The following HCRTR2 variants were observed in gnomAD, a reference collection of about 807,000 sequenced individuals.
The protein encoded by HCRTR2 is orexin receptor type 2.
A neutral mutation model predicts 49.0 loss-of-function variants in HCRTR2; 22 were observed. The observed-to-expected ratio is 0.45, with a 90% CI of 0.32 to 0.64. The LOEUF (loss-of-function observed/expected upper bound fraction) is 0.64. HCRTR2 is among the 30% of genes least tolerant of loss of function. The probability of loss-of-function intolerance (pLI) is 0.04; values close to 1 mark genes in which losing one functional copy is unlikely to be tolerated. For synonymous variants in HCRTR2, 236 were observed against 205.3 expected, an observed-to-expected ratio of 1.15 and a Z score of -1.28; for missense variants, 491 against 559.4, an observed-to-expected ratio of 0.88 and a Z score of 1.23.
chr6:55,117,768 C>T (rs1764137984), intron 1 of HCRTR2, among the ~76,000 whole-genome samples: 1 of 99,542 alleles, frequency 1.0e-5, no homozygotes, highest in Non-Finnish European at 1.9e-5. Flanking sequence ...TGCACCTGCC[C>T]TTGGGATAAA....
chr6:55,230,094 C>A (rs540199871), intron 1 of HCRTR2, among the ~76,000 whole-genome samples: 24 of 152,060 alleles, frequency 1.6e-4, no homozygotes, highest in African/African-American at 5.3e-4. Context: ...TACTCTCATG[C>A]CTTAATTATA....
intron 6 of HCRTR2, 106 bp from the exon 7 acceptor site, chr6:55,282,119 C>T: frequency 1.3e-6 from 1 of 782,572 alleles, no homozygotes; most frequent in Admixed American, 2.0e-5. Flanking sequence ...AATATTACAC[C>T]TCATTGTTAG....
intron 1 of HCRTR2, among the ~76,000 whole-genome samples, chr6:55,130,204 A>G (rs557385576): frequency 6.6e-6 from 1 of 152,000 alleles, no homozygotes; most frequent in South Asian, 2.1e-4. Context: ...ATGGACCTCT[A>G]TATCTAGCTT....
intron 1 of HCRTR2, among the ~76,000 whole-genome samples, chr6:55,119,622 G>GT (rs149004546): frequency 0.26 from 36,649 of 140,020 alleles, 4,826 homozygotes; most frequent in African/African-American, 0.33. Context: ...CATTTTTGAT[G>GT]TTTTTTTTTT....
intron 1 of HCRTR2, among the ~76,000 whole-genome samples, chr6:55,217,532 C>T (rs1045459671): frequency 6.6e-6 from 1 of 152,154 alleles, no homozygotes; most frequent in African/African-American, 2.4e-5. Flanking sequence ...GCCTTCTACA[C>T]AGCCCTAGAG....
chr6:55,172,993 CA>C (rs1764972998), upstream of HCRTR2, among the ~76,000 whole-genome samples: 1 of 152,088 alleles, frequency 6.6e-6, no homozygotes, highest in Non-Finnish European at 1.5e-5. Context: ...ACATATTTTG[CA>C]AGATATTGAC....
At chr6:55,192,400 C>T (rs1765331209) in intron 1 of HCRTR2, among the ~76,000 whole-genome samples, 1 of 74,094 alleles carries the variant, frequency 1.3e-5, no homozygotes, top group South Asian at 3.7e-4. Context: ...AACACACACA[C>T]ACGCGCGCGC....
intron 1 of HCRTR2, among the ~76,000 whole-genome samples, chr6:55,218,734 T>C (rs1336359725): frequency 6.6e-6 from 1 of 152,232 alleles, no homozygotes; most frequent in East Asian, 1.9e-4. Flanking sequence ...ATATATGTAT[T>C]CAATCTTAGG....
chr6:55,218,660 C>T (rs989849706), intron 1 of HCRTR2, among the ~76,000 whole-genome samples: 2 of 151,842 alleles, frequency 1.3e-5, no homozygotes, highest in East Asian at 3.9e-4. Flanking sequence ...TCACAAGGAA[C>T]AAAGAAGGAC....
chr6:55,250,474 G>A (rs10214729), intron 2 of HCRTR2, among the ~76,000 whole-genome samples: 6,171 of 152,150 alleles, frequency 0.041, 429 homozygotes, highest in African/African-American at 0.14. Context: ...TAAGTTTTGG[G>A]ATGGCTGCAG....
intron 1 of HCRTR2, among the ~76,000 whole-genome samples, chr6:55,208,615 C>T (rs73437015): frequency 0.027 from 4,035 of 152,066 alleles, 160 homozygotes; most frequent in African/African-American, 0.09. Context: ...AAGTTTTATT[C>T]GTGATGTTAT....
chr6:55,178,202 A>T (rs536161172), intron 1 of HCRTR2, among the ~76,000 whole-genome samples: 1 of 152,102 alleles, frequency 6.6e-6, no homozygotes, highest in African/African-American at 2.4e-5. Flanking sequence ...AATGTGTTCT[A>T]GTCAGTTTAA....
downstream of HCRTR2, among the ~76,000 whole-genome samples, chr6:55,284,451 T>C (rs1014356939): frequency 3.3e-5 from 5 of 152,268 alleles, no homozygotes; most frequent in South Asian, 6.2e-4. Context: ...AAAAGCTGTG[T>C]GTTAAGCACT....
chr6:55,181,421 A>G (rs896308369), intron 1 of HCRTR2, among the ~76,000 whole-genome samples: 1 of 152,236 alleles, frequency 6.6e-6, no homozygotes, highest in East Asian at 1.9e-4. Context: ...TTCATAAACA[A>G]AAAACAAATT....
At chr6:55,118,620 G>A (rs2127236591) in intron 1 of HCRTR2, among the ~76,000 whole-genome samples, 1 of 151,960 alleles carries the variant, frequency 6.6e-6, no homozygotes, top group South Asian at 2.1e-4. Flanking sequence ...GTATCTCATT[G>A]TGGTTTTGAT....
chr6:55,165,411 GA>G (rs1187550759), intron 1 of HCRTR2, among the ~76,000 whole-genome samples: 1 of 151,962 alleles, frequency 6.6e-6, no homozygotes, highest in Non-Finnish European at 1.5e-5. Context: ...AAGGTGTTGG[GA>G]TAATTGGGTA....
At chr6:55,169,523 C>CT (rs1764920213), upstream of HCRTR2, among the ~76,000 whole-genome samples, 1 of 151,504 alleles carries the variant, frequency 6.6e-6, no homozygotes. Context: ...CCCCTTTTCC[C>CT]TTTTTATAAA....
intron 1 of HCRTR2, among the ~76,000 whole-genome samples, chr6:55,201,024 A>G (rs3122147): frequency 0.02 from 3,079 of 152,168 alleles, 46 homozygotes; most frequent in Middle Eastern, 0.058. Flanking sequence ...GCTTGCTACC[A>G]TATTGCATAC....
chr6:55,212,254 A>G (rs1408286527), intron 1 of HCRTR2, among the ~76,000 whole-genome samples: 3 of 148,428 alleles, frequency 2.0e-5, no homozygotes, highest in African/African-American at 7.3e-5. Context: ...TGACTACTCA[A>G]GACCATACAA....
Sources: allele counts gnomAD v4.1 joint callset (sites outside exome capture counted in the v4.1 genomes callset), GRCh38; gene constraint gnomAD v4.1.1; transcripts MANE v1.5; gene names NCBI Gene and HGNC (gene_info 2026-07-23, HGNC 2026-07-21).